The following MARCHF1 variants were observed in gnomAD, a reference collection of about 807,000 sequenced individuals.
MARCHF1 encodes the protein E3 ubiquitin-protein ligase MARCHF1.
MARCHF1 carries 40 observed loss-of-function variants against 54.2 expected under a neutral mutation model. The observed-to-expected ratio is 0.74, with a 90% confidence interval of 0.57 to 0.96. MARCHF1 has a LOEUF of 0.96. Ranked by LOEUF, MARCHF1 falls within the 40% of genes least tolerant of loss-of-function variation. MARCHF1 has a pLI of 0.00. For missense variants in MARCHF1, 586 were observed against 656.5 expected, an observed-to-expected ratio of 0.89 and a Z score of 1.17; for synonymous variants, 236 against 236.3, an observed-to-expected ratio of 1.00 and a Z score of 0.01.
intron 1 of MARCHF1, among the ~76,000 whole-genome samples, chr4:164,320,076 T>A (rs1735102231): frequency 6.6e-6 from 1 of 152,166 alleles, no homozygotes; most frequent in Non-Finnish European, 1.5e-5. Context: ...CATCCATGAG[T>A]CTAATTGTAT....
chr4:163,864,282 G>A (rs761406019), intron 3 of MARCHF1, among the ~76,000 whole-genome samples: 4 of 151,612 alleles, frequency 2.6e-5, no homozygotes, highest in African/African-American at 4.8e-5. Context: ...TTACCTGAAC[G>A]ATTTCCCTCT....
intron 2 of MARCHF1, among the ~76,000 whole-genome samples, chr4:164,071,352 A>C (rs1754860127): frequency 6.6e-6 from 1 of 152,110 alleles, no homozygotes; most frequent in Admixed American, 6.5e-5. Context: ...CTAGCAGTTG[A>C]GTTTTTTGCA....
chr4:163,731,768 G>A (rs1745837828), intron 4 of MARCHF1, among the ~76,000 whole-genome samples: 3 of 152,180 alleles, frequency 2.0e-5, no homozygotes, highest in African/African-American at 7.2e-5. Context: ...CAGGAATAGT[G>A]TCTGCCGTTA....
chr4:164,038,112 A>G (rs924831141), intron 2 of MARCHF1, among the ~76,000 whole-genome samples: 1 of 152,158 alleles, frequency 6.6e-6, no homozygotes, highest in Admixed American at 6.5e-5. Context: ...AGTTTCCAAT[A>G]TGTTACAATT....
intron 3 of MARCHF1, among the ~76,000 whole-genome samples, chr4:163,966,066 G>A (rs987131971): frequency 6.6e-6 from 1 of 151,948 alleles, no homozygotes; most frequent in Non-Finnish European, 1.5e-5. Flanking sequence ...GTTATAGATG[G>A]AACTCTTACA....
intron 5 of MARCHF1, among the ~76,000 whole-genome samples, chr4:163,659,592 A>G (rs1433453180): frequency 6.6e-6 from 1 of 152,146 alleles, no homozygotes; most frequent in Admixed American, 6.5e-5. Context: ...ACAGCAAAGG[A>G]AACTATCATG....
At chr4:163,594,376 A>G (rs1006612570) in intron 7 of MARCHF1, among the ~76,000 whole-genome samples, 2 of 151,402 alleles carry the variant, frequency 1.3e-5, no homozygotes, top group African/African-American at 2.4e-5. Context: ...AGTATATACA[A>G]TAATACCACA....
At chr4:163,613,116 G>A in intron 6 of MARCHF1, 78 bp from the exon 7 acceptor site, 1 of 1,337,218 alleles carries the variant, frequency 7.5e-7, no homozygotes, top group Non-Finnish European at 9.9e-7. Context: ...AGAGAATGAT[G>A]AAAATGACAG....
At chr4:163,693,341 T>C (rs2111207736) in intron 5 of MARCHF1, among the ~76,000 whole-genome samples, 1 of 151,534 alleles carries the variant, frequency 6.6e-6, no homozygotes, top group Non-Finnish European at 1.5e-5. Flanking sequence ...CCCAGGCTGT[T>C]TGGTAGAACT....
intron 3 of MARCHF1, among the ~76,000 whole-genome samples, chr4:163,867,143 T>C (rs1047918057): frequency 6.6e-6 from 1 of 151,902 alleles, no homozygotes; most frequent in Non-Finnish European, 1.5e-5. Flanking sequence ...TCCTAAGTCA[T>C]CTCATTAGTG....
At chr4:163,601,144 T>C (rs1436123267) in intron 7 of MARCHF1, among the ~76,000 whole-genome samples, 1 of 152,216 alleles carries the variant, frequency 6.6e-6, no homozygotes, top group Non-Finnish European at 1.5e-5. Context: ...GAAATAAATA[T>C]ACAACTACTC....
intron 3 of MARCHF1, among the ~76,000 whole-genome samples, chr4:163,952,258 T>G (rs1026982350): frequency 9.2e-5 from 14 of 152,182 alleles, no homozygotes; most frequent in African/African-American, 3.4e-4. Flanking sequence ...TATTCTTTCT[T>G]TAGCCTATAT....
chr4:163,709,311 C>G (rs531797668), intron 4 of MARCHF1, among the ~76,000 whole-genome samples: 1 of 152,100 alleles, frequency 6.6e-6, no homozygotes, highest in Non-Finnish European at 1.5e-5. Flanking sequence ...CAAGCAGGCT[C>G]ATACCTGTAA....
chr4:163,771,521 T>C (rs537517215), intron 4 of MARCHF1, among the ~76,000 whole-genome samples: 1 of 152,322 alleles, frequency 6.6e-6, no homozygotes, highest in African/African-American at 2.4e-5. Context: ...TGCTGTATCT[T>C]CACGCAGTAG....
At chr4:163,897,244 TCAA>T (rs1487475593) in intron 3 of MARCHF1, among the ~76,000 whole-genome samples, 1 of 152,162 alleles carries the variant, frequency 6.6e-6, no homozygotes, top group Non-Finnish European at 1.5e-5. Context: ...ATATCTGATG[TCAA>T]CAACTTCTTC....
rs138984331 is a variant in MARCHF1 at position 163,996,030 on chromosome 4, C to T, written c.-247-7321G>A. 4.6e-3 allele frequency among the ~76,000 whole-genome samples: 697 copies of T among 151,986 alleles called. 5 individuals carry two copies. Among genetic ancestry groups the T allele is most frequent in the African/African-American group, 0.016 (664 of 41,476 alleles). On this transcript the variant is annotated intron_variant, in intron 2 of 9. Transcript: ENST00000514618. ...ATATAATTCTGAATTACATGCATAG[C>T]CTCTTTGGAAACTATATTTTACTAA...
chr4:163,769,842 A>G (rs956964714), intron 4 of MARCHF1, among the ~76,000 whole-genome samples: 10 of 152,156 alleles, frequency 6.6e-5, no homozygotes, highest in African/African-American at 2.2e-4. Flanking sequence ...GTGAATGTGT[A>G]TACAATTGAC....
intron 1 of MARCHF1, among the ~76,000 whole-genome samples, chr4:164,298,439 G>A (rs1734467564): frequency 2.0e-5 from 3 of 151,810 alleles, no homozygotes; most frequent in South Asian, 4.1e-4. Flanking sequence ...GTCTGAGCAG[G>A]GAATACCCAT....
chr4:163,888,620 A>C (rs1750589911), intron 3 of MARCHF1, among the ~76,000 whole-genome samples: 1 of 152,166 alleles, frequency 6.6e-6, no homozygotes, highest in African/African-American at 2.4e-5. Flanking sequence ...GATAAATTGC[A>C]GTGAGGTTTC....
Sources: gnomAD v4.1 joint callset for allele counts (sites outside exome capture counted in the v4.1 genomes callset) on GRCh38, gnomAD v4.1.1 for gene constraint, MANE v1.5 for transcripts, NCBI Gene and HGNC (gene_info 2026-07-23, HGNC 2026-07-21) for gene names.